Variants in AKR1C3 observed in about 807,000 individuals in gnomAD.
AKR1C3 encodes the protein aldo-keto reductase family 1 member C3.
Under a neutral mutation model 43.6 loss-of-function variants are expected in AKR1C3, and 48 were observed. The ratio of observed to expected loss-of-function variants is 1.10; its 90% CI spans 0.87 to 1.40. The LOEUF (loss-of-function observed/expected upper bound fraction) is 1.40. Among genes scored for constraint, AKR1C3 ranks in the 40% most tolerant of loss-of-function variants. The pLI is 0.00. For missense variants in AKR1C3, 482 were observed against 391.2 expected (o/e 1.23, Z -1.96); for synonymous variants, 162 against 139.6 (o/e 1.16, Z -1.13).
At chr10:5,099,201 G>T in intron 4 of AKR1C3, 126 bp from the exon 5 acceptor site, 3 of 1,479,176 alleles carry the variant, frequency 2.0e-6, no homozygotes, top group East Asian at 2.3e-5. Flanking sequence ...TTCTTTTTTT[G>T]ACAATCACTG....
At chr10:5,077,264 TAGAG>T (rs1293843421) in intron 1 of AKR1C3, among the ~76,000 whole-genome samples, 2 of 152,098 alleles carry the variant, frequency 1.3e-5, no homozygotes, top group Non-Finnish European at 2.9e-5. Flanking sequence ...TTTTCTCTCA[TAGAG>T]AGAAGAGGGT....
intron 1 of AKR1C3, among the ~76,000 whole-genome samples, chr10:5,053,309 C>T (rs1554779185): frequency 6.6e-6 from 1 of 152,228 alleles, no homozygotes; most frequent in African/African-American, 2.4e-5. Context: ...CAGCTAAGGT[C>T]CGGTGAGAAA....
Position 5,099,345 on chromosome 10 carries a change from G to C in AKR1C3, c.466G>C (p.Asp156His). ...TCCACAGGCCATGGAGAAGTGTAAGGATGCAGGATTGGCCAAGTCCATTGG... is the reference window on the plus strand; with the variant it reads ...TCCACAGGCCATGGAGAAGTGTAAGCATGCAGGATTGGCCAAGTCCATTGG... ...TTWEAMEKCK[D>H]AGLAKSIGVS... Residue 156 changes from aspartate (D) to histidine (H), a missense_variant, in exon 5 of 9, where the codon GAT (aspartate) becomes CAT (histidine). Physicochemically the swap from Asp to His is moderately conservative, Grantham distance 81. Transcript: ENST00000380554. 1 of 1,614,142 alleles carries C rather than the reference G, an allele frequency of 6.2e-7. No individual in the cohort carries two copies. The highest frequency in any genetic ancestry group is 1.1e-5 in the South Asian group (1 of 91,078).
chr10:5,097,388 G>A (rs185230294), intron 2 of AKR1C3, 46 bp from the exon 3 acceptor site: 2 of 1,602,026 alleles, frequency 1.2e-6, no homozygotes, highest in Non-Finnish European at 1.7e-6. Flanking sequence ...AATAAGATTT[G>A]CTCAAGCATT....
intron 1 of AKR1C3, among the ~76,000 whole-genome samples, chr10:5,058,731 C>A (rs1324218479): frequency 6.6e-6 from 1 of 152,174 alleles, no homozygotes; most frequent in Non-Finnish European, 1.5e-5. Context: ...CGCTAGTTTT[C>A]CTCCCAGACC....
upstream of AKR1C3, among the ~76,000 whole-genome samples, chr10:5,092,917 A>T (rs11252936): frequency 0.32 from 49,231 of 151,788 alleles, 8,545 homozygotes; most frequent in Non-Finnish European, 0.36. Context: ...TTCTAACTCT[A>T]TATAGATTTG....
chr10:5,049,162 A>G (rs1838099989), intron 1 of AKR1C3, among the ~76,000 whole-genome samples: 1 of 152,082 alleles, frequency 6.6e-6, no homozygotes. Context: ...GTCAGAATCC[A>G]TGAAACTCAG....
chr10:5,100,563 AT>A (rs1839321479), intron 5 of AKR1C3, among the ~76,000 whole-genome samples: 1 of 152,202 alleles, frequency 6.6e-6, no homozygotes, highest in African/African-American at 2.4e-5. Context: ...CTTCCCCCAA[AT>A]GTCACAAAAA....
At chr10:5,065,369 A>C (rs1838479633) in intron 1 of AKR1C3, among the ~76,000 whole-genome samples, 3 of 152,222 alleles carry the variant, frequency 2.0e-5, no homozygotes, top group Non-Finnish European at 4.4e-5. Flanking sequence ...GCCTGTCAAC[A>C]CCAGACTGGA....
chr10:5,090,599 A>T (rs576447429), upstream of AKR1C3, among the ~76,000 whole-genome samples: 1 of 152,222 alleles, frequency 6.6e-6, no homozygotes, highest in East Asian at 1.9e-4. Context: ...CTGCTTCTTC[A>T]TGGAGATAGA....
At chr10:5,083,527 G>A (rs12269012) in intron 1 of AKR1C3, among the ~76,000 whole-genome samples, 2,137 of 152,072 alleles carry the variant, frequency 0.014, 43 homozygotes, top group African/African-American at 0.049. Flanking sequence ...GAATAGTGCC[G>A]CTATAAACAT....
rs562560711 is a variant in AKR1C3, at chr10:5,097,628, C to A, written c.369+78C>A. ...TGTTTATCTGGATAGTTGAACAGAGCTTTTTATTAGGAGGATGTAGGGATT... is the reference window on the plus strand; with the variant it reads ...TGTTTATCTGGATAGTTGAACAGAGATTTTTATTAGGAGGATGTAGGGATT... On this transcript the variant is annotated intron_variant, in intron 3 of 8. Coordinates refer to ENST00000380554, the MANE Select transcript of AKR1C3 (RefSeq NM_003739.6). The A allele has an allele frequency of 3.5e-5, 56 of 1,604,008 alleles. No individual in the cohort carries two copies. The East Asian group carries it at 9.5e-4, about 27-fold the overall frequency.
chr10:5,065,747 C>G (rs1330873076), intron 1 of AKR1C3, among the ~76,000 whole-genome samples: 3 of 152,016 alleles, frequency 2.0e-5, no homozygotes, highest in Admixed American at 6.6e-5. Context: ...TAGTGTACAC[C>G]CTATGGAAAG....
chr10:5,054,972 C>G (rs183346473), intron 1 of AKR1C3, among the ~76,000 whole-genome samples: 1 of 152,342 alleles, frequency 6.6e-6, no homozygotes, highest in African/African-American at 2.4e-5. Context: ...GGGGGTTCCC[C>G]CAGAGGTTAG....
upstream of AKR1C3, among the ~76,000 whole-genome samples, chr10:5,092,890 T>G (rs2131832847): frequency 6.6e-6 from 1 of 152,252 alleles, no homozygotes; most frequent in African/African-American, 2.4e-5. Context: ...TTTGAGCATT[T>G]CAAAATATAG....
intron 1 of AKR1C3, among the ~76,000 whole-genome samples, chr10:5,062,217 C>A (rs1235478912): frequency 2.6e-5 from 4 of 152,166 alleles, no homozygotes; most frequent in African/African-American, 9.7e-5. Context: ...CTTACTCTGG[C>A]GGCCACCTTA....
intron 2 of AKR1C3, among the ~76,000 whole-genome samples, chr10:5,096,888 G>A (rs1217953321): frequency 1.3e-5 from 2 of 152,070 alleles, no homozygotes; most frequent in Non-Finnish European, 2.9e-5. Flanking sequence ...TATCGCCTGG[G>A]TGATTTTCTA....
At chr10:5,078,150 G>A (rs1316037657) in intron 1 of AKR1C3, among the ~76,000 whole-genome samples, 3 of 152,328 alleles carry the variant, frequency 2.0e-5, no homozygotes, top group Non-Finnish European at 4.4e-5. Flanking sequence ...TAAGTCAGGT[G>A]CGGTGGCTCA....
At chr10:5,105,496 C>T in intron 7 of AKR1C3, 99 bp from the exon 8 acceptor site, 1 of 884,644 alleles carries the variant, frequency 1.1e-6, no homozygotes, top group East Asian at 2.7e-5. Flanking sequence ...TTAAAACTTA[C>T]CAATATTTTA....
Sources: allele counts gnomAD v4.1 joint callset (sites outside exome capture counted in the v4.1 genomes callset), GRCh38; gene constraint gnomAD v4.1.1; transcripts MANE v1.5; gene names NCBI Gene and HGNC (gene_info 2026-07-23, HGNC 2026-07-21).